The following RGS20 variants were observed in gnomAD, a reference collection of about 807,000 sequenced individuals.
RGS20 encodes gz-selective GTPase-activating protein.
Under a neutral mutation model 33.6 loss-of-function variants are expected in RGS20, and 30 were observed. That is an observed-to-expected ratio of 0.89 (90% CI 0.67 to 1.21). The LOEUF (loss-of-function observed/expected upper bound fraction) is 1.21, where lower values mean the gene tolerates loss of function less well. Ranked by LOEUF, RGS20 falls within the 50% of genes most tolerant of loss-of-function variation. RGS20 has a pLI of 0.00. For missense variants in RGS20, 472 were observed against 502.4 expected (o/e 0.94, Z 0.58); for synonymous variants, 208 against 197.9 (o/e 1.05, Z -0.43).
chr8:53,913,689 C>T (rs1813408281), intron 2 of RGS20: 1 of 152,264 alleles, frequency 6.6e-6, no homozygotes, highest in African/African-American at 2.4e-5. Context: ...CCGAGGCTGC[C>T]AGAAGAGGCA....
chr8:53,895,704 G>T (rs1484112297), intron 2 of RGS20, among the ~76,000 whole-genome samples: 1 of 151,130 alleles, frequency 6.6e-6, no homozygotes, highest in South Asian at 2.1e-4. Context: ...GAGTGCAGTG[G>T]CGGGATCTCG....
At chr8:53,915,088 G>A (rs1446486847) in intron 2 of RGS20, among the ~76,000 whole-genome samples, 1 of 151,522 alleles carries the variant, frequency 6.6e-6, no homozygotes, top group Non-Finnish European at 1.5e-5. Flanking sequence ...AGGTTGCAGT[G>A]AGCCGAGATC....
At chr8:53,862,487 C>A (rs1811830885) in intron 1 of RGS20, among the ~76,000 whole-genome samples, 2 of 152,262 alleles carry the variant, frequency 1.3e-5, no homozygotes, top group African/African-American at 4.8e-5. Context: ...TGCAGCGTTC[C>A]TTGGTTCTGT....
At chr8:53,909,717 G>A (rs1312981983) in intron 2 of RGS20, among the ~76,000 whole-genome samples, 4 of 152,206 alleles carry the variant, frequency 2.6e-5, no homozygotes, top group Admixed American at 2.6e-4. Context: ...TGGTAGAGAA[G>A]TAACATTATA....
chr8:53,928,447 A>G (rs1041776269), intron 2 of RGS20, among the ~76,000 whole-genome samples: 3 of 152,216 alleles, frequency 2.0e-5, no homozygotes, highest in Admixed American at 2.0e-4. Context: ...GAATCTTTAA[A>G]TGATTTAAAA....
chr8:53,947,993 T>TTATATATGCTATATATATGATAG (rs1814571589), intron 4 of RGS20, among the ~76,000 whole-genome samples: 2 of 136,338 alleles, frequency 1.5e-5, no homozygotes, highest in Non-Finnish European at 3.0e-5. Context: ...GTATATATAT[T>TTATATATGCTATATATATGATAG]TATATATGCT....
intron 3 of RGS20, among the ~76,000 whole-genome samples, chr8:53,941,143 G>C (rs1191714941): frequency 6.6e-6 from 1 of 152,176 alleles, no homozygotes; most frequent in African/African-American, 2.4e-5. Flanking sequence ...CTAGAGGGCG[G>C]GTCAGGTCCC....
intron 2 of RGS20, among the ~76,000 whole-genome samples, chr8:53,909,212 T>TATAG (rs1813275082): frequency 1.0e-4 from 1 of 9,906 alleles, no homozygotes; most frequent in Non-Finnish European, 2.3e-4. Context: ...TATGTGTGTA[T>TATAG]ATATATATAT....
At chr8:53,940,537 G>A (rs1051537010) in intron 3 of RGS20, among the ~76,000 whole-genome samples, 1 of 152,188 alleles carries the variant, frequency 6.6e-6, no homozygotes, top group African/African-American at 2.4e-5. Flanking sequence ...GACTGATCAC[G>A]AACCGTGAAA....
chr8:53,946,091 A>C (rs901255806), intron 3 of RGS20, among the ~76,000 whole-genome samples: 1 of 152,210 alleles, frequency 6.6e-6, no homozygotes, highest in African/African-American at 2.4e-5. Context: ...ACTTTTGTAT[A>C]TTTGCCTATA....
chr8:53,867,720 CTTCT>C (rs1222466219), intron 1 of RGS20, among the ~76,000 whole-genome samples: 3 of 135,070 alleles, frequency 2.2e-5, no homozygotes, highest in Admixed American at 1.5e-4. Context: ...TGTTTCTTTC[CTTCT>C]TTCTTTCTTT....
chr8:53,935,292 C>G (rs1029556633), intron 2 of RGS20, among the ~76,000 whole-genome samples: 2 of 151,934 alleles, frequency 1.3e-5, no homozygotes, highest in African/African-American at 4.8e-5. Context: ...CCAAAAAATC[C>G]TTCAAAAAAT....
chr8:53,879,466 G>A lies in RGS20; in HGVS notation c.374G>A (p.Gly125Asp). 1 of 1,580,922 alleles carries A rather than the reference G, an allele frequency of 6.3e-7. No individual in the cohort carries two copies. ...TCGAGGGGGCACGAGGAGCTGCCGG[G>A]CCGCCTCTCGCTCCTGCTCGGGGCG... is the stretch of plus-strand genomic sequence containing the variant. The change falls in exon 2 of 6, where the codon GGC (glycine) becomes GAC (aspartate). Residue 125 changes from glycine (G) to aspartate (D), a missense_variant. Around this residue, in one of 3 missense-constraint regions of RGS20, gnomAD observed 319 missense variants for 283.4 expected, o/e 1.13. Coordinates refer to ENST00000297313, the MANE Select transcript of RGS20 (RefSeq NM_170587.4).
intron 4 of RGS20, 66 bp from the exon 4 acceptor site, chr8:53,954,010 T>A: frequency 9.4e-7 from 1 of 1,062,030 alleles, no homozygotes. Context: ...ATGTTCCTAA[T>A]GATGAATTCC....
At chr8:53,853,198 G>C (rs1773578491) in intron 1 of RGS20, among the ~76,000 whole-genome samples, 1 of 152,178 alleles carries the variant, frequency 6.6e-6, no homozygotes, top group African/African-American at 2.4e-5. Context: ...TGAGGAAACA[G>C]AGAGCAACAA....
At chr8:53,920,166 T>G (rs997077817) in intron 2 of RGS20, among the ~76,000 whole-genome samples, 1 of 152,208 alleles carries the variant, frequency 6.6e-6, no homozygotes, top group Non-Finnish European at 1.5e-5. Flanking sequence ...TGAGCCATCA[T>G]GCCCAGACCT....
At chr8:53,901,031 C>T (rs960394867) in intron 2 of RGS20, among the ~76,000 whole-genome samples, 4 of 151,690 alleles carry the variant, frequency 2.6e-5, no homozygotes, top group African/African-American at 9.7e-5. Flanking sequence ...GGTCTACCAA[C>T]AGCAACATGC....
intron 5 of RGS20, among the ~76,000 whole-genome samples, chr8:53,955,329 G>C (rs1023508306): frequency 6.6e-6 from 1 of 151,948 alleles, no homozygotes; most frequent in African/African-American, 2.4e-5. Flanking sequence ...TATACCCTAA[G>C]ACGTTCCTTT....
chr8:53,954,429 T>A, intron 5 of RGS20, 119 bp downstream of exon 4: 1 of 655,956 alleles, frequency 1.5e-6, no homozygotes. Context: ...TTTGGGAGGC[T>A]GAGGCGGGCG....
Sources: gnomAD v4.1 joint callset for allele counts (sites outside exome capture counted in the v4.1 genomes callset) on GRCh38, gnomAD v4.1.1 for gene constraint, gnomAD v4.1.1 regional missense constraint, MANE v1.5 for transcripts, NCBI Gene and HGNC (gene_info 2026-07-23, HGNC 2026-07-21) for gene names.